STRAP: variants seen among roughly 807,000 people sequenced by gnomAD.
STRAP encodes the protein serine/threonine kinase receptor associated protein, also known as serine-threonine kinase receptor-associated protein.
In STRAP, 16 loss-of-function variants were observed where a neutral mutation model predicts 47.0. The ratio of observed to expected loss-of-function variants is 0.34; its 90% CI spans 0.23 to 0.52. STRAP has a LOEUF of 0.52. STRAP is among the 20% of genes least tolerant of loss of function. The pLI, the probability that STRAP is intolerant of heterozygous loss-of-function variation, is 0.96. For synonymous variants in STRAP, 130 were observed against 142.7 expected (o/e 0.91, Z 0.63); for missense variants, 293 against 420.0 (o/e 0.70, Z 2.64).
In STRAP at chr12:15,890,786, A is replaced by G. The variant is rs1948008654; in HGVS notation, c.403+117A>G. On this transcript the variant is annotated intron_variant, in intron 4 of 9. Transcript: ENST00000419869. The surrounding 1 kb of genome is among the most constrained non-coding windows in gnomAD (Gnocchi z 4.5). ...AAAATAAAGATAGTCATGGCCGGGC[A>G]CGGTGGCTCATACCTGTAATCCTAG... 1.2e-6 allele frequency: 1 copy of G among 829,508 alleles called. No homozygotes were observed. The highest frequency in any genetic ancestry group is 1.9e-6 in the Non-Finnish European group (1 of 533,784). The allele number at this position is 829,508 out of a possible 1,614,324, so 51.4% of individuals were successfully genotyped here.
Position 15,903,089 on chromosome 12 carries a change from T to G in STRAP, c.*111T>G. The G allele has an allele frequency of 4.2e-6, 5 of 1,204,308 alleles. No individual in the cohort carries two copies. In the South Asian group the frequency reaches 9.3e-5, roughly 23 times the overall value. 74.6% of individuals were successfully genotyped at this position (1,204,308 alleles called of 1,614,324 possible). ...TTAAGGCAGAAACAGCAGTAAATAATGAGGAAAATGAATTAGCTCCAGTGC... is the reference window on the plus strand; with the variant it reads ...TTAAGGCAGAAACAGCAGTAAATAAGGAGGAAAATGAATTAGCTCCAGTGC... On this transcript the variant is annotated 3_prime_UTR_variant, in exon 10 of 10. Coordinates refer to ENST00000419869, the MANE Select transcript of STRAP (RefSeq NM_007178.4).
Position 15,896,012 on chromosome 12 carries a change from T to G in STRAP, c.638+516T>G, listed in dbSNP as rs1948056907. On this transcript the variant is annotated intron_variant, in intron 6 of 9. Coordinates refer to ENST00000419869, the MANE Select transcript of STRAP (RefSeq NM_007178.4). This position sits in a 1 kb window ranked among gnomAD's most constrained non-coding sequence, Gnocchi z 4.1. ...CTGAGGTGGGCGGACCACTTGAGGT[T>G]AGGGGATTGAGACCAGCCTGGCCAA... Among the ~76,000 whole-genome samples, 2 of 151,560 alleles carry G rather than the reference T, an allele frequency of 1.3e-5. No individual in the cohort carries two copies. Among genetic ancestry groups the G allele is most frequent in the Admixed American group, 1.3e-4 (2 of 15,200 alleles).
Position 15,902,979 on chromosome 12 carries a change from G to T in STRAP, c.*1G>T. ...TTCAGCTCCTGATGTTAAGGCCTGAGCGTCAATCATATGTGCAGTTAGTAT... is the reference window on the plus strand; with the variant it reads ...TTCAGCTCCTGATGTTAAGGCCTGATCGTCAATCATATGTGCAGTTAGTAT... On this transcript the variant is annotated 3_prime_UTR_variant, in exon 10 of 10. Transcript: ENST00000419869. 7.1e-7 allele frequency: 1 copy of T among 1,417,638 alleles called. No homozygotes were observed. Among genetic ancestry groups the T allele is most frequent in the South Asian group, 1.3e-5 (1 of 78,404 alleles). 87.8% of individuals were successfully genotyped at this position (1,417,638 alleles called of 1,614,324 possible).
In STRAP at chr12:15,896,480, G is replaced by C. The variant is rs550025275; in HGVS notation, c.638+984G>C. Among the ~76,000 whole-genome samples, 1 of 151,602 alleles carries C rather than the reference G, an allele frequency of 6.6e-6. No individual in the cohort carries two copies. Among genetic ancestry groups the C allele is most frequent in the African/African-American group, 2.4e-5 (1 of 41,274 alleles). ...TACCCATAGGTGCAAGAGTGATAAT[G>C]GTAGTTATATTTTCTGCTAGTCCAT... On this transcript the variant is annotated intron_variant, in intron 6 of 9. Coordinates refer to ENST00000419869, the MANE Select transcript of STRAP (RefSeq NM_007178.4). This position sits in a 1 kb window ranked among gnomAD's most constrained non-coding sequence, Gnocchi z 4.1.
At position 15,890,172 on chromosome 12, in the gene STRAP, A is replaced by G. The variant is rs1015683494; in HGVS notation, c.330+163A>G. 7.2e-5 allele frequency among the ~76,000 whole-genome samples: 11 copies of G among 151,994 alleles called. No homozygotes were observed. The highest frequency in any genetic ancestry group is 2.7e-4 in the African/African-American group (11 of 41,276). ...TTTGATTGTGTATTAAGCTCTATGA[A>G]TTTGTTTCATAGTTAATCCTGTCAA... On this transcript the variant is annotated intron_variant, in intron 3 of 9. Transcript: ENST00000419869. The surrounding 1 kb of genome is among the most constrained non-coding windows in gnomAD (Gnocchi z 4.5).
chr12:15,901,083 C>T lies in STRAP; in HGVS notation c.991+71C>T. On this transcript the variant is annotated intron_variant, in intron 9 of 9. Transcript: ENST00000419869. ...AAATTGAACTGTAACAGAAGTTTTACTCATTGGCAGAAGAAATTTATTAAA... is the reference window on the plus strand; with the variant it reads ...AAATTGAACTGTAACAGAAGTTTTATTCATTGGCAGAAGAAATTTATTAAA... 3 of 1,192,886 alleles carry T rather than the reference C, an allele frequency of 2.5e-6. No homozygotes were observed. The South Asian group carries it at 5.7e-5, about 23-fold the overall frequency. 73.9% of individuals were successfully genotyped at this position (1,192,886 alleles called of 1,614,324 possible).
rs1347216330 is a variant in STRAP, at chr12:15,890,600, A to G, written c.334A>G (p.Ser112Gly). ...ACATTTTACTTTGTGTTTTCAGGAT[A>G]GTAATTATTTGTTAACCGGGGGACA... ...IVKTVDFTQDSNYLLTGGQDK... is the reference protein window; with the variant it reads ...IVKTVDFTQDGNYLLTGGQDK... Residue 112 changes from serine to glycine, a missense_variant, in exon 4 of 10, where the codon AGT (serine) becomes GGT (glycine). Transcript: ENST00000419869. This position sits in a 1 kb window ranked among gnomAD's most constrained non-coding sequence, Gnocchi z 4.5. 1 of 1,609,550 alleles carries G rather than the reference A, an allele frequency of 6.2e-7. No individual in the cohort carries two copies. The highest frequency in any genetic ancestry group is 1.1e-5 in the South Asian group (1 of 90,102).
rs112116411 is a variant in STRAP at position 15,892,690 on chromosome 12, C to G, written c.404-1357C>G. Among the ~76,000 whole-genome samples, 1,513 of 152,284 alleles carry G rather than the reference C, an allele frequency of 9.9e-3. 28 individuals carry two copies. The highest frequency in any genetic ancestry group is 0.034 in the African/African-American group (1,411 of 41,542). ...ATTTTTAAGGTGAGGAAACAAAGCGCATTTGCAGATTTTTTTATTCTCCAT... is the reference window on the plus strand; with the variant it reads ...ATTTTTAAGGTGAGGAAACAAAGCGGATTTGCAGATTTTTTTATTCTCCAT... On this transcript the variant is annotated intron_variant, in intron 4 of 9. Coordinates refer to ENST00000419869, the MANE Select transcript of STRAP (RefSeq NM_007178.4).
chr12:15,886,853 T>G (rs1947976747), intron 2 of STRAP, among the ~76,000 whole-genome samples: 1 of 152,162 alleles, frequency 6.6e-6, no homozygotes, highest in African/African-American at 2.4e-5. Context: ...GCAGAATAGG[T>G]CTGTGGACTA....
chr12:15,903,263 A>G lies in STRAP; in HGVS notation c.*285A>G, dbSNP rs1411719840. On this transcript the variant is annotated 3_prime_UTR_variant, in exon 10 of 10. Coordinates refer to ENST00000419869, the MANE Select transcript of STRAP (RefSeq NM_007178.4). Reference sequence around the variant, plus strand: ...ACATCCAATTTCTATTATTACAATTAGGGTTCTTGTAGCTGTTTATGTTAA... The same window carrying G: ...ACATCCAATTTCTATTATTACAATTGGGGTTCTTGTAGCTGTTTATGTTAA... The G allele has an allele frequency of 1.2e-5, 3 of 257,442 alleles. No individual in the cohort carries two copies. The highest frequency in any genetic ancestry group is 2.2e-5 in the Non-Finnish European group (3 of 138,594). 15.9% of individuals were successfully genotyped at this position (257,442 alleles called of 1,614,324 possible).
At chr12:15,889,820 A>G in intron 2 of STRAP, 108 bp from the exon 3 acceptor site, 1 of 768,624 alleles carries the variant, frequency 1.3e-6, no homozygotes, top group Non-Finnish European at 2.1e-6. Context: ...TTTATGTAAC[A>G]TTTCACATAT....
chr12:15,886,794 G>A (rs1947976136), intron 2 of STRAP, among the ~76,000 whole-genome samples: 2 of 152,100 alleles, frequency 1.3e-5, no homozygotes, highest in Non-Finnish European at 2.9e-5. Flanking sequence ...CATTTATGGT[G>A]TGGTCATTTA....
intron 6 of STRAP, among the ~76,000 whole-genome samples, chr12:15,897,332 A>G (rs992557989): frequency 6.6e-6 from 1 of 152,314 alleles, no homozygotes; most frequent in South Asian, 2.1e-4. Context: ...TTATATAACT[A>G]TAGCCCCAAA....
At chr12:15,901,473 A>G (rs1414606973) in intron 9 of STRAP, among the ~76,000 whole-genome samples, 1 of 152,130 alleles carries the variant, frequency 6.6e-6, no homozygotes, top group African/African-American at 2.4e-5. Flanking sequence ...GGAGCATAGC[A>G]TATGAGGAAC....
intron 7 of STRAP, 129 bp from the exon 8 acceptor site, chr12:15,899,775 A>T (rs538576915): frequency 2.4e-6 from 2 of 818,970 alleles, no homozygotes; most frequent in African/African-American, 3.5e-5. Flanking sequence ...AAATTAATTA[A>T]GTACAGGTTT....
intron 2 of STRAP, among the ~76,000 whole-genome samples, chr12:15,884,216 C>T (rs867950909): frequency 6.6e-6 from 1 of 152,164 alleles, no homozygotes; most frequent in African/African-American, 2.4e-5. Context: ...TTTTTTGATT[C>T]TGCCAGCGGG....
Position 15,894,173 on chromosome 12 carries a change from T to C in STRAP, c.500+30T>C. 1.3e-6 allele frequency: 2 copies of C among 1,578,678 alleles called. No homozygotes were observed. Among genetic ancestry groups the C allele is most frequent in the Non-Finnish European group, 1.7e-6 (2 of 1,150,170 alleles). On this transcript the variant is annotated intron_variant, in intron 5 of 9. Coordinates refer to ENST00000419869, the MANE Select transcript of STRAP (RefSeq NM_007178.4). The surrounding 1 kb of genome is among the most constrained non-coding windows in gnomAD (Gnocchi z 4.9). ...GTAATTTTTCTTTAATAATTTACAATTTAAGGCCGGGCATGGTGGCTCACG... is the reference window on the plus strand; with the variant it reads ...GTAATTTTTCTTTAATAATTTACAACTTAAGGCCGGGCATGGTGGCTCACG...
chr12:15,883,559 G>T lies in STRAP; in HGVS notation c.131G>T (p.Arg44Leu). The change falls in exon 2 of 10, where the codon CGC becomes CTC. Residue 44 changes from arginine (R) to leucine (L), a missense_variant. Physicochemically the swap from Arg to Leu is moderately radical, Grantham distance 102 (BLOSUM62 -2). Around this residue, in one of 5 missense-constraint regions of STRAP, gnomAD observed 32 missense variants for 76.1 expected, o/e 0.42. Transcript: ENST00000419869. ...SACKDGKPML[R>L]QGDTGDWIGT... ...TTTCTAGATGGTAAACCTATGCTAC[G>T]CCAGGGAGATACAGGAGACTGGATT... 1.2e-6 allele frequency: 2 copies of T among 1,613,610 alleles called. No homozygotes were observed. Among genetic ancestry groups the T allele is most frequent in the Non-Finnish European group, 8.5e-7 (1 of 1,179,992 alleles).
At chr12:15,895,279 G>T in intron 5 of STRAP, 80 bp from the exon 6 acceptor site, 2 of 1,068,958 alleles carry the variant, frequency 1.9e-6, no homozygotes, top group Non-Finnish European at 2.6e-6. Flanking sequence ...TCTTTCGTTG[G>T]CTAATCTGCA....
Sources: allele counts gnomAD v4.1 joint callset (sites outside exome capture counted in the v4.1 genomes callset), GRCh38; gene constraint gnomAD v4.1.1; regional missense constraint gnomAD v4.1.1; non-coding constraint Gnocchi (gnomAD v3.1); transcripts MANE v1.5; gene names NCBI Gene and HGNC (gene_info 2026-07-23, HGNC 2026-07-21).